ATP2B4: variants seen among roughly 807,000 people sequenced by gnomAD.
ATP2B4 encodes the protein plasma membrane calcium-transporting ATPase 4.
ATP2B4 carries 39 observed loss-of-function variants against 110.3 expected under a neutral mutation model. The ratio of observed to expected loss-of-function variants is 0.35; its 90% CI spans 0.27 to 0.46. The LOEUF is 0.46. Ranked by LOEUF, ATP2B4 falls within the 20% of genes least tolerant of loss-of-function variation. The pLI is 1.00. For synonymous variants in ATP2B4, 538 were observed against 571.7 expected (o/e 0.94, Z 0.84); for missense variants, 1,135 against 1,530.9 (o/e 0.74, Z 4.32).
At chr1:203,733,497 G>C in intron 20 of ATP2B4, 1 of 1,265,864 alleles carries the variant, frequency 7.9e-7, no homozygotes, top group East Asian at 2.7e-5. Flanking sequence ...TTTTCCTTTT[G>C]GTTTTTCCCT....
intron 1 of ATP2B4, among the ~76,000 whole-genome samples, chr1:203,677,975 T>C (rs1664878069): frequency 1.3e-5 from 2 of 152,196 alleles, no homozygotes; most frequent in Non-Finnish European, 2.9e-5. Context: ...GGCAGGGAAG[T>C]GTCTGCTCCA....
chr1:203,643,117 G>GC (rs933044336), intron 1 of ATP2B4, among the ~76,000 whole-genome samples: 2 of 152,184 alleles, frequency 1.3e-5, no homozygotes, highest in Non-Finnish European at 2.9e-5. Flanking sequence ...CAAAGGGCAT[G>GC]CAGGGGCTCC....
intron 15 of ATP2B4, among the ~76,000 whole-genome samples, chr1:203,719,976 G>A (rs1666273740): frequency 1.3e-5 from 2 of 152,184 alleles, no homozygotes; most frequent in South Asian, 4.2e-4. Flanking sequence ...GGAGGCCAAG[G>A]TGGGAGGATC....
intron 1 of ATP2B4, among the ~76,000 whole-genome samples, chr1:203,671,217 TAGTC>T (rs1450693379): frequency 1.3e-5 from 2 of 152,230 alleles, no homozygotes; most frequent in Non-Finnish European, 2.9e-5. Flanking sequence ...GCATATTTAT[TAGTC>T]AGTTCACGCT....
chr1:203,679,416 G>A (rs187774499), intron 1 of ATP2B4, among the ~76,000 whole-genome samples: 8 of 152,278 alleles, frequency 5.3e-5, no homozygotes, highest in Admixed American at 2.6e-4. Flanking sequence ...GCAGCTTAGC[G>A]CTTGACCTAC....
intron 20 of ATP2B4, chr1:203,729,640 A>C: frequency 9.6e-7 from 1 of 1,041,756 alleles, no homozygotes; most frequent in Non-Finnish European, 1.4e-6. Context: ...TCTGCCAGAG[A>C]AACATTCCAG....
intron 1 of ATP2B4, among the ~76,000 whole-genome samples, chr1:203,637,207 G>A (rs894600059): frequency 1.3e-5 from 2 of 152,144 alleles, no homozygotes; most frequent in Admixed American, 6.5e-5. Context: ...CGAGGCAGGC[G>A]GATCACGAGG....
At chr1:203,666,332 C>G (rs1293685886) in intron 1 of ATP2B4, among the ~76,000 whole-genome samples, 2 of 152,242 alleles carry the variant, frequency 1.3e-5, no homozygotes, top group Non-Finnish European at 2.9e-5. Flanking sequence ...TGTTCTCCAT[C>G]TGGCTCCTTT....
chr1:203,703,555 C>T (rs1665756861), intron 7 of ATP2B4, 97 bp from the exon 8 acceptor site: 19 of 1,408,136 alleles, frequency 1.3e-5, no homozygotes, highest in South Asian at 4.0e-5. Context: ...AGGTATATTC[C>T]GGGAAAGAGA....
intron 20 of ATP2B4, among the ~76,000 whole-genome samples, chr1:203,730,209 A>T (rs1414402214): frequency 6.7e-6 from 1 of 148,774 alleles, no homozygotes; most frequent in African/African-American, 2.5e-5. Flanking sequence ...TTTACAAGGG[A>T]TGTTATATGA....
At chr1:203,722,794 G>C in intron 18 of ATP2B4, 105 bp downstream of exon 18, 2 of 1,062,068 alleles carry the variant, frequency 1.9e-6, no homozygotes, top group Non-Finnish European at 2.7e-6. Context: ...AAGGAATTAC[G>C]GGGACTGGAG....
intron 1 of ATP2B4, among the ~76,000 whole-genome samples, chr1:203,635,942 C>G (rs906163139): frequency 2.6e-5 from 4 of 152,196 alleles, no homozygotes; most frequent in Non-Finnish European, 5.9e-5. Flanking sequence ...GCTCCCCACC[C>G]ACAGCCTCTC....
At chr1:203,669,677 T>C (rs902124329) in intron 1 of ATP2B4, among the ~76,000 whole-genome samples, 33 of 152,268 alleles carry the variant, frequency 2.2e-4, no homozygotes, top group African/African-American at 7.5e-4. Flanking sequence ...CCTCAGGTGA[T>C]CTGCCCACCT....
chr1:203,701,946 G>A, intron 6 of ATP2B4, 98 bp from the exon 7 acceptor site: 2 of 1,249,570 alleles, frequency 1.6e-6, no homozygotes, highest in Non-Finnish European at 2.3e-6. Flanking sequence ...CAAACACTTT[G>A]CTGTTGTCCT....
intron 1 of ATP2B4, among the ~76,000 whole-genome samples, chr1:203,646,202 A>G (rs999293055): frequency 5.3e-5 from 8 of 151,568 alleles, no homozygotes; most frequent in African/African-American, 1.7e-4. Context: ...CTAATAAGGA[A>G]GGAGTCATTC....
chr1:203,688,232 C>T (rs564471195), intron 2 of ATP2B4, among the ~76,000 whole-genome samples: 2 of 152,004 alleles, frequency 1.3e-5, no homozygotes, highest in East Asian at 3.9e-4. Flanking sequence ...GCCACCTCTA[C>T]CTCAGCCTCC....
chr1:203,729,815 G>C (rs1331396243), intron 20 of ATP2B4: 2 of 1,294,652 alleles, frequency 1.5e-6, no homozygotes, highest in Non-Finnish European at 2.0e-6. Flanking sequence ...GCTTTACAGT[G>C]GTCCTTGGTT....
chr1:203,679,443 T>G (rs1445792527), intron 1 of ATP2B4, among the ~76,000 whole-genome samples: 1 of 152,252 alleles, frequency 6.6e-6, no homozygotes, highest in African/African-American at 2.4e-5. Flanking sequence ...TTTCTCTAGA[T>G]AAGCCTGAGG....
chr1:203,702,459 G>C (rs1016939637), intron 7 of ATP2B4, among the ~76,000 whole-genome samples: 1 of 152,118 alleles, frequency 6.6e-6, no homozygotes, highest in Non-Finnish European at 1.5e-5. Context: ...GAGGGAGGTG[G>C]GGTGGGTAGT....
Sources: allele counts gnomAD v4.1 joint callset (sites outside exome capture counted in the v4.1 genomes callset), GRCh38; gene constraint gnomAD v4.1.1; transcripts MANE v1.5; gene names NCBI Gene and HGNC (gene_info 2026-07-23, HGNC 2026-07-21).